The following MYOCOS variants were observed in gnomAD, a reference collection of about 807,000 sequenced individuals.
MYOCOS encodes myocilin opposite strand protein.
chr1:171,601,616 CAT>C (rs1377787793), intron 1 of MYOCOS, among the ~76,000 whole-genome samples: 1 of 152,072 alleles, frequency 6.6e-6, no homozygotes, highest in Admixed American at 6.6e-5. Flanking sequence ...CTTTGTGTGA[CAT>C]AGACTGGCCA....
intron 1 of MYOCOS, among the ~76,000 whole-genome samples, chr1:171,606,100 G>A (rs918972503): frequency 7.2e-5 from 11 of 152,120 alleles, no homozygotes; most frequent in African/African-American, 2.2e-4. Context: ...GTATTTCCCA[G>A]CACTAAGAGG....
chr1:171,612,659 C>G (rs1472581356), intron 1 of MYOCOS, among the ~76,000 whole-genome samples: 3 of 151,824 alleles, frequency 2.0e-5, no homozygotes, highest in African/African-American at 2.4e-5. Flanking sequence ...AACACCATCT[C>G]TACTAAAAAT....
At chr1:171,620,773 C>CTTTTTT (rs34455235), upstream of MYOCOS, among the ~76,000 whole-genome samples, 34 of 127,178 alleles carry the variant, frequency 2.7e-4, no homozygotes, top group Non-Finnish European at 4.1e-4. Flanking sequence ...CTTTTTCTTT[C>CTTTTTT]TTTTTTTTTT....
chr1:171,608,486 C>T (rs906466088), intron 1 of MYOCOS, among the ~76,000 whole-genome samples: 7 of 129,102 alleles, frequency 5.4e-5, no homozygotes, highest in African/African-American at 2.1e-4. Flanking sequence ...GGCGCGATCT[C>T]GGCTCCCTGC....
At chr1:171,622,400 G>C (rs1652594919) in intron 1 of MYOCOS, 68 bp downstream of exon 1, 1 of 152,206 alleles carries the variant, frequency 6.6e-6, no homozygotes, top group Admixed American at 6.6e-5. Context: ...TCCTGAGAGA[G>C]ACTGACTACA....
chr1:171,615,661 G>A (rs1652432846), intron 2 of MYOCOS, among the ~76,000 whole-genome samples: 1 of 152,124 alleles, frequency 6.6e-6, no homozygotes. Flanking sequence ...TCCCTGCCCT[G>A]TTCTGTTTCT....
chr1:171,613,394 G>C (rs1360324016), intron 1 of MYOCOS, among the ~76,000 whole-genome samples: 1 of 152,182 alleles, frequency 6.6e-6, no homozygotes, highest in Non-Finnish European at 1.5e-5. Flanking sequence ...CAACAGAGAG[G>C]ACCAAACCAT....
chr1:171,613,906 G>T (rs140841651), intron 1 of MYOCOS, among the ~76,000 whole-genome samples: 1 of 152,152 alleles, frequency 6.6e-6, no homozygotes, highest in Non-Finnish European at 1.5e-5. Context: ...TGCTGCCAAA[G>T]AGGCCTCTGA....
intron 1 of MYOCOS, among the ~76,000 whole-genome samples, chr1:171,612,062 G>GTTTCTTTTCTTTTCTTTTCTTTTCT (rs535900839): frequency 2.0e-5 from 3 of 151,772 alleles, no homozygotes; most frequent in African/African-American, 7.3e-5. Flanking sequence ...TACCCTTTAG[G>GTTTCTTTTCTTTTCTTTTCTTTTCT]TTTCTTTTCT....
At chr1:171,601,283 G>A (rs1225981421) in intron 1 of MYOCOS, among the ~76,000 whole-genome samples, 1 of 152,162 alleles carries the variant, frequency 6.6e-6, no homozygotes, top group African/African-American at 2.4e-5. Context: ...GCCTGCATTG[G>A]CACTTTTGTT....
chr1:171,624,272 T>G (rs12065141), intron 2 of MYOCOS, among the ~76,000 whole-genome samples: 33,164 of 151,788 alleles, frequency 0.22, 3,843 homozygotes, highest in South Asian at 0.36. Flanking sequence ...GGTTTGGTTT[T>G]GTTTTTTTGA....
intron 1 of MYOCOS, among the ~76,000 whole-genome samples, chr1:171,613,152 A>T (rs879627177): frequency 1.3e-5 from 2 of 152,160 alleles, no homozygotes; most frequent in African/African-American, 2.4e-5. Flanking sequence ...AAATGTCCCT[A>T]GATCTCTGTG....
intron 2 of MYOCOS, 70 bp downstream of exon 2, chr1:171,624,048 G>A: frequency 2.5e-6 from 1 of 398,492 alleles, no homozygotes; most frequent in Non-Finnish European, 4.4e-6. Flanking sequence ...CCCAGCAAGT[G>A]CCTGAAACTG....
chr1:171,612,943 G>C (rs2102935066), intron 1 of MYOCOS, among the ~76,000 whole-genome samples: 1 of 152,306 alleles, frequency 6.6e-6, no homozygotes, highest in East Asian at 1.9e-4. Flanking sequence ...CCACTTGGTA[G>C]GACATGGACC....
At chr1:171,624,022 G>A (rs546539308) in intron 2 of MYOCOS, 44 bp downstream of exon 2, 5 of 398,572 alleles carry the variant, frequency 1.3e-5, no homozygotes, top group African/African-American at 6.2e-5. Flanking sequence ...GGTTGGGACG[G>A]AGCATAACAC....
chr1:171,624,743 G>A (rs1210046260), intron 2 of MYOCOS, among the ~76,000 whole-genome samples: 1 of 151,810 alleles, frequency 6.6e-6, no homozygotes, highest in Admixed American at 6.6e-5. Context: ...GACTGTGCCC[G>A]GCCAGTTTTT....
chr1:171,611,643 C>A (rs1652353604), intron 1 of MYOCOS, among the ~76,000 whole-genome samples: 1 of 152,178 alleles, frequency 6.6e-6, no homozygotes, highest in African/African-American at 2.4e-5. Context: ...CTGCCTGGAC[C>A]TGCAGGGTCC....
chr1:171,612,224 A>G (rs539026740), intron 1 of MYOCOS, among the ~76,000 whole-genome samples: 1 of 152,000 alleles, frequency 6.6e-6, no homozygotes, highest in Non-Finnish European at 1.5e-5. Context: ...GGTTACAGGC[A>G]TCTGCCACCA....
Position 171,622,295 on chromosome 1 carries a change from G to C in MYOCOS, c.-81G>C, listed in dbSNP as rs542726641. ...CCCCCAAGACCCATCCTCTCCCTGC[G>C]ACATCTGTGGAGATTTCTCAAGGAC... On this transcript the variant is annotated 5_prime_UTR_variant, in exon 1 of 3. Transcript: ENST00000637642. The C allele has an allele frequency of 6.6e-6, 1 of 152,134 alleles. No homozygotes were observed. Among genetic ancestry groups the C allele is most frequent in the East Asian group, 1.9e-4 (1 of 5,188 alleles). The allele number at this position is 152,134 out of a possible 1,614,324, so 9.4% of individuals were successfully genotyped here.
Sources: gnomAD v4.1 joint callset for allele counts (sites outside exome capture counted in the v4.1 genomes callset) on GRCh38, gnomAD v4.1.1 for gene constraint, MANE v1.5 for transcripts, NCBI Gene and HGNC (gene_info 2026-07-23, HGNC 2026-07-21) for gene names.